Variants in ZBTB25 observed in about 807,000 individuals in gnomAD.
The protein encoded by ZBTB25 is zinc finger and BTB domain-containing protein 25.
Under a neutral mutation model 34.2 loss-of-function variants are expected in ZBTB25, and 20 were observed. The ratio of observed to expected loss-of-function variants is 0.58; its 90% CI spans 0.41 to 0.85. The LOEUF (loss-of-function observed/expected upper bound fraction) is 0.85, where lower values mean the gene tolerates loss of function less well. Ranked by LOEUF, ZBTB25 falls within the 40% of genes least tolerant of loss-of-function variation. The pLI, the probability that ZBTB25 is intolerant of heterozygous loss-of-function variation, is 0.00. For synonymous variants in ZBTB25, 175 were observed against 186.4 expected (o/e 0.94, Z 0.50); for missense variants, 437 against 521.8 (o/e 0.84, Z 1.58).
At chr14:64,469,017 A>G in intron 2 of ZBTB25, 1 of 1,614,208 alleles carries the variant, frequency 6.2e-7, no homozygotes. Context: ...TCTGGAGAGA[A>G]AGTGATTTCA....
intron 1 of ZBTB25, among the ~76,000 whole-genome samples, chr14:64,502,050 G>A (rs2079515761): frequency 6.6e-6 from 1 of 152,224 alleles, no homozygotes; most frequent in African/African-American, 2.4e-5. Flanking sequence ...CCACAGCCCA[G>A]GTAATGAGCC....
intron 2 of ZBTB25, chr14:64,455,089 G>A (rs567370025): frequency 3.5e-6 from 2 of 577,950 alleles, no homozygotes; most frequent in South Asian, 1.9e-5. Flanking sequence ...CAAGAATGAT[G>A]CCAGGACTAC....
rs781475149 is a variant in ZBTB25, at chr14:64,469,208, C to T, written c.174-19570G>A. 8.7e-6 allele frequency: 14 copies of T among 1,613,914 alleles called. No individual in the cohort carries two copies. In the South Asian group the frequency reaches 8.8e-5, roughly 10 times the overall value. On this transcript the variant is annotated intron_variant, in intron 2 of 2. Transcript: ENST00000555220. Reference sequence around the variant, plus strand: ...TGATGTTCCTCCTTTACCTGCAATTCCAGATCAACAAATTGTGGAAGAAGC... The same window carrying T: ...TGATGTTCCTCCTTTACCTGCAATTTCAGATCAACAAATTGTGGAAGAAGC...
At chr14:64,452,437 A>G (rs1294286470) in intron 2 of ZBTB25, among the ~76,000 whole-genome samples, 41 of 152,164 alleles carry the variant, frequency 2.7e-4, no homozygotes, top group Admixed American at 2.6e-3. Context: ...ACCTCTCCGT[A>G]TGCTGTTCTC....
Position 64,485,346 on chromosome 14 carries a change from T to A in ZBTB25, c.*1577A>T. 2.0e-6 allele frequency: 2 copies of A among 985,390 alleles called. No homozygotes were observed. Among genetic ancestry groups the A allele is most frequent in the Non-Finnish European group, 2.4e-6 (2 of 829,908 alleles). 61.0% of individuals were successfully genotyped at this position (985,390 alleles called of 1,614,324 possible). A position where few individuals can be genotyped will look rare whatever the true frequency, so the allele number is the denominator to read the frequency against. On this transcript the variant is annotated 3_prime_UTR_variant, in exon 3 of 3. Coordinates refer to ENST00000608382, the MANE Select transcript of ZBTB25 (RefSeq NM_006977.5). Reference sequence around the variant, plus strand: ...GATGTATTCAAATGCCCGTGAAGCTTAGAATTTAACAAGAGGGCAAAAAAA... The same window carrying A: ...GATGTATTCAAATGCCCGTGAAGCTAAGAATTTAACAAGAGGGCAAAAAAA...
At chr14:64,465,874 T>A (rs2078607748) in intron 2 of ZBTB25, among the ~76,000 whole-genome samples, 1 of 152,200 alleles carries the variant, frequency 6.6e-6, no homozygotes, top group Non-Finnish European at 1.5e-5. Flanking sequence ...TTTCCTTCTT[T>A]ATCCCTCTTT....
chr14:64,460,102 A>C (rs1484183089), intron 2 of ZBTB25: 2 of 607,610 alleles, frequency 3.3e-6, no homozygotes, highest in Non-Finnish European at 5.7e-6. Flanking sequence ...CCTTGGGCTG[A>C]AGATGCAAGT....
chr14:64,465,400 C>A, intron 2 of ZBTB25: 1 of 151,778 alleles, frequency 6.6e-6, no homozygotes, highest in South Asian at 2.0e-4. Context: ...CTCCGGCGGT[C>A]GCCCCGCCCC....
chr14:64,503,305 A>T, intron 1 of ZBTB25: 1 of 985,324 alleles, frequency 1.0e-6, no homozygotes, highest in East Asian at 1.1e-4. Context: ...GGTCGGCGCT[A>T]CCCGAGGGAG....
chr14:64,488,962 A>C (rs952898796), intron 2 of ZBTB25, among the ~76,000 whole-genome samples: 3 of 152,338 alleles, frequency 2.0e-5, no homozygotes, highest in African/African-American at 7.2e-5. Context: ...ACCTATTGAA[A>C]TCAGCAGGGT....
chr14:64,453,808 G>A, intron 2 of ZBTB25: 3 of 1,613,386 alleles, frequency 1.9e-6, no homozygotes, highest in Non-Finnish European at 2.5e-6. Flanking sequence ...TGGAGCAGAT[G>A]ACATTGAATT....
At chr14:64,459,740 T>G (rs1412036038) in intron 2 of ZBTB25, 1 of 1,527,752 alleles carries the variant, frequency 6.5e-7, no homozygotes, top group Admixed American at 2.0e-5. Context: ...AAACATTTAT[T>G]TCTTGTTTTT....
At chr14:64,476,997 C>T (rs1482010251), downstream of ZBTB25, among the ~76,000 whole-genome samples, 1 of 152,104 alleles carries the variant, frequency 6.6e-6, no homozygotes, top group African/African-American at 2.4e-5. Context: ...CAAAATCCAC[C>T]CTTTTAATAC....
chr14:64,492,221 T>TTAC (rs778100458), intron 1 of ZBTB25, among the ~76,000 whole-genome samples: 1 of 90,814 alleles, frequency 1.1e-5, no homozygotes, highest in South Asian at 3.7e-4. Context: ...ATTATTATTA[T>TTAC]TTGAGACGGA....
At position 64,492,229 on chromosome 14, in the gene ZBTB25, G is replaced by A. The variant is rs560414524; in HGVS notation, c.-7-1689C>T. ...TATTATTATTATTATTATTTGAGAC[G>A]GAGTTTTGCTCTTGTTGACCAGGCT... On this transcript the variant is annotated intron_variant, in intron 1 of 2. Transcript: ENST00000608382. Among the ~76,000 whole-genome samples the A allele has an allele frequency of 3.4e-5, 5 of 148,852 alleles. No individual in the cohort carries two copies. The South Asian group carries it at 6.4e-4, about 19-fold the overall frequency.
chr14:64,468,671 G>C (rs1428975447), intron 2 of ZBTB25: 1 of 1,614,072 alleles, frequency 6.2e-7, no homozygotes, highest in Admixed American at 1.7e-5. Flanking sequence ...GAAAAGGTCA[G>C]AGTCTTCAAA....
chr14:64,501,606 T>A (rs1215393876), intron 1 of ZBTB25, among the ~76,000 whole-genome samples: 1 of 152,298 alleles, frequency 6.6e-6, no homozygotes, highest in Non-Finnish European at 1.5e-5. Context: ...TGCAATAATA[T>A]AAAACCCCCA....
chr14:64,469,658 A>G (rs1009111318), intron 2 of ZBTB25: 1 of 1,590,096 alleles, frequency 6.3e-7, no homozygotes. Context: ...TGATAATAAA[A>G]TAAACAATCT....
chr14:64,470,177 T>A (rs915493743), intron 2 of ZBTB25: 2 of 167,268 alleles, frequency 1.2e-5, no homozygotes, highest in African/African-American at 4.8e-5. Flanking sequence ...AATTGTTACA[T>A]TCCTAAGCAG....
Sources: allele counts gnomAD v4.1 joint callset (sites outside exome capture counted in the v4.1 genomes callset), GRCh38; gene constraint gnomAD v4.1.1; transcripts MANE v1.5; gene names NCBI Gene and HGNC (gene_info 2026-07-23, HGNC 2026-07-21).